The following IPO9 variants were observed in gnomAD, a reference collection of about 807,000 sequenced individuals.
IPO9 encodes the protein importin-9.
Under a neutral mutation model 128.6 loss-of-function variants are expected in IPO9, and 28 were observed. The observed-to-expected ratio is 0.22, with a 90% CI of 0.16 to 0.30. The LOEUF (loss-of-function observed/expected upper bound fraction) is 0.30. Ranked by LOEUF, IPO9 falls within the 10% of genes least tolerant of loss-of-function variation. The pLI is 1.00. For missense variants in IPO9, 935 were observed against 1,293.9 expected, an observed-to-expected ratio of 0.72 and a Z score of 4.26; for synonymous variants, 455 against 475.8, an observed-to-expected ratio of 0.96 and a Z score of 0.57.
chr1:201,874,688 T>G (rs1680725629), intron 21 of IPO9, 144 bp from the exon 22 acceptor site: 2 of 693,486 alleles, frequency 2.9e-6, no homozygotes, highest in Non-Finnish European at 5.1e-6. Flanking sequence ...CAGGAGGGTT[T>G]GGCCATTTCT....
Position 201,863,535 on chromosome 1 carries a change from A to G in IPO9, c.1556A>G (p.Gln519Arg). ...MSPELIQQFL[Q>R]ATVSGLHETQ... Reference sequence around the variant, plus strand: ...CCTGAACTGATCCAGCAGTTCCTACAGGCAACAGTTAGTGGTCTTCACGAG... The same window carrying G: ...CCTGAACTGATCCAGCAGTTCCTACGGGCAACAGTTAGTGGTCTTCACGAG... The change falls in exon 14 of 24, where the codon CAG becomes CGG. Residue 519 changes from glutamine (Q) to arginine (R), a missense_variant. By Grantham distance (43) the Gln-to-Arg change is conservative. Transcript: ENST00000361565. 1 of 1,608,196 alleles carries G rather than the reference A, an allele frequency of 6.2e-7. No homozygotes were observed. The highest frequency in any genetic ancestry group is 8.5e-7 in the Non-Finnish European group (1 of 1,175,186).
Position 201,876,504 on chromosome 1 carries a change from A to C in IPO9, c.*450A>C, listed in dbSNP as rs1680768110. 3.6e-6 allele frequency: 1 copy of C among 278,392 alleles called. No individual in the cohort carries two copies. 17.2% of individuals were successfully genotyped at this position (278,392 alleles called of 1,614,324 possible). A position where few individuals can be genotyped will look rare whatever the true frequency, so the allele number is the denominator to read the frequency against. Reference sequence around the variant, plus strand: ...CAGATAGGAATCCTCATGAGAGATCATTATGCTTTGTGCCCTGGACCACTG... The same window carrying C: ...CAGATAGGAATCCTCATGAGAGATCCTTATGCTTTGTGCCCTGGACCACTG... On this transcript the variant is annotated 3_prime_UTR_variant, in exon 24 of 24. Coordinates refer to ENST00000361565, the MANE Select transcript of IPO9 (RefSeq NM_018085.5).
chr1:201,866,740 G>T lies in IPO9; in HGVS notation c.1636G>T (p.Asp546Tyr). ...SAVRAIWGYCDQLKVSESTHV... is the reference protein window; with the variant it reads ...SAVRAIWGYCYQLKVSESTHV... ...TTATCTATCTCTCTCTAGTTATTGT[G>T]ACCAACTGAAAGTCTCAGAGAGTAC... The change falls in exon 15 of 24, where the codon GAC becomes TAC. Residue 546 changes from aspartate (D) to tyrosine (Y), a missense_variant. Coordinates refer to ENST00000361565, the MANE Select transcript of IPO9 (RefSeq NM_018085.5). 1.9e-6 allele frequency: 3 copies of T among 1,612,982 alleles called. No individual in the cohort carries two copies. The highest frequency in any genetic ancestry group is 2.2e-5 in the South Asian group (2 of 91,020).
At chr1:201,858,603 A>C (rs762994087) in intron 12 of IPO9, 50 bp downstream of exon 12, 9 of 1,119,378 alleles carry the variant, frequency 8.0e-6, no homozygotes, top group Non-Finnish European at 1.1e-5. Context: ...ACCCCTTCTT[A>C]AAAAGTCTTG....
chr1:201,876,588 G>A lies in IPO9; in HGVS notation c.*534G>A, dbSNP rs1680769152. 5.4e-6 allele frequency: 1 copy of A among 185,464 alleles called. No homozygotes were observed. The highest frequency in any genetic ancestry group is 5.4e-5 in the Admixed American group (1 of 18,536). The allele number at this position is 185,464 out of a possible 1,614,324, so 11.5% of individuals were successfully genotyped here. On this transcript the variant is annotated 3_prime_UTR_variant, in exon 24 of 24. Coordinates refer to ENST00000361565, the MANE Select transcript of IPO9 (RefSeq NM_018085.5). ...CAGCTTCATTCTAAGCCTTTCCAGT[G>A]ACCTCAGCCTTGCTTCTCTTCTACA...
rs1341736917 is a variant in IPO9, at chr1:201,866,881, G to A, written c.1777G>A (p.Val593Ile). Reference protein sequence around the residue: ...VMETLCIVCTVDPEFTASMES... With the variant: ...VMETLCIVCTIDPEFTASMES... Reference sequence around the variant, plus strand: ...GGAGACCCTGTGCATCGTTTGTACAGTAGACCCCGAATTCACAGCAAGCAT... The same window carrying A: ...GGAGACCCTGTGCATCGTTTGTACAATAGACCCCGAATTCACAGCAAGCAT... The change falls in exon 15 of 24, where the codon GTA becomes ATA. Residue 593 changes from valine to isoleucine, a missense_variant. Coordinates refer to ENST00000361565, the MANE Select transcript of IPO9 (RefSeq NM_018085.5). 10 of 1,614,156 alleles carry A rather than the reference G, an allele frequency of 6.2e-6. No homozygotes were observed. The highest frequency in any genetic ancestry group is 1.7e-5 in the Admixed American group (1 of 60,004).
intron 20 of IPO9, among the ~76,000 whole-genome samples, chr1:201,873,672 G>A (rs544859184): frequency 2.6e-4 from 39 of 152,188 alleles, no homozygotes; most frequent in Admixed American, 2.5e-3. Context: ...GCTTGAACCC[G>A]GGAGGTGGAG....
At chr1:201,864,101 G>C (rs1680506524) in intron 14 of IPO9, among the ~76,000 whole-genome samples, 1 of 152,124 alleles carries the variant, frequency 6.6e-6, no homozygotes, top group African/African-American at 2.4e-5. Flanking sequence ...TTCCTACGCA[G>C]ACTAGAAGGA....
Position 201,879,684 on chromosome 1 carries a change from C to T in IPO9, c.*3630C>T, listed in dbSNP as rs1224196851. ...TTCAATAAATGCAGATTGATAATAACATCTGTGCAGAGTTGAGGACTATAG... is the reference window on the plus strand; with the variant it reads ...TTCAATAAATGCAGATTGATAATAATATCTGTGCAGAGTTGAGGACTATAG... On this transcript the variant is annotated 3_prime_UTR_variant, in exon 24 of 24. Coordinates refer to ENST00000361565, the MANE Select transcript of IPO9 (RefSeq NM_018085.5). The T allele has an allele frequency of 6.6e-6, 1 of 152,206 alleles. No homozygotes were observed. Among genetic ancestry groups the T allele is most frequent in the East Asian group, 1.9e-4 (1 of 5,202 alleles). 9.4% of individuals were successfully genotyped at this position (152,206 alleles called of 1,614,324 possible).
At chr1:201,843,838 A>AG (rs1680084300) in intron 1 of IPO9, among the ~76,000 whole-genome samples, 1 of 151,980 alleles carries the variant, frequency 6.6e-6, no homozygotes, top group Admixed American at 6.6e-5. Flanking sequence ...AAAAAAAAAA[A>AG]AAAAAAAGAT....
rs1241916858 is a variant in IPO9 at position 201,880,563 on chromosome 1, C to G, written c.*4509C>G. ...TACTTTTGCACCCCAGCTAAGCTGACCCATGATCAGTAAGTAGGAAATAAA... is the reference window on the plus strand; with the variant it reads ...TACTTTTGCACCCCAGCTAAGCTGAGCCATGATCAGTAAGTAGGAAATAAA... On this transcript the variant is annotated 3_prime_UTR_variant, in exon 24 of 24. Transcript: ENST00000361565. 1 of 152,232 alleles carries G rather than the reference C, an allele frequency of 6.6e-6. No homozygotes were observed. Among genetic ancestry groups the G allele is most frequent in the Non-Finnish European group, 1.5e-5 (1 of 68,066 alleles). The allele number at this position is 152,232 out of a possible 1,614,324, so 9.4% of individuals were successfully genotyped here.
chr1:201,851,770 G>A (rs139584980), intron 4 of IPO9, among the ~76,000 whole-genome samples: 2 of 152,274 alleles, frequency 1.3e-5, no homozygotes, highest in East Asian at 1.9e-4. Flanking sequence ...TGACAGATGG[G>A]CACAAGATAA....
In IPO9 at chr1:201,866,715, T is replaced by G. The variant is rs1324405711; in HGVS notation, c.1629-18T>G. On this transcript the variant is annotated intron_variant, in intron 14 of 23. Transcript: ENST00000361565. Reference sequence around the variant, plus strand: ...TTGAATTTTTTTTAATAATTCTTGCTTATCTATCTCTCTCTAGTTATTGTG... The same window carrying G: ...TTGAATTTTTTTTAATAATTCTTGCGTATCTATCTCTCTCTAGTTATTGTG... The G allele has an allele frequency of 6.3e-7, 1 of 1,577,242 alleles. No individual in the cohort carries two copies. Among genetic ancestry groups the G allele is most frequent in the Non-Finnish European group, 8.7e-7 (1 of 1,147,772 alleles).
At chr1:201,844,247 C>T (rs1304409359) in intron 1 of IPO9, among the ~76,000 whole-genome samples, 2 of 152,140 alleles carry the variant, frequency 1.3e-5, no homozygotes, top group Non-Finnish European at 2.9e-5. Flanking sequence ...ACATTATGTA[C>T]TCCCTAATAT....
At chr1:201,860,503 G>A (rs923233298) in intron 13 of IPO9, among the ~76,000 whole-genome samples, 1 of 152,162 alleles carries the variant, frequency 6.6e-6, no homozygotes, top group Non-Finnish European at 1.5e-5. Context: ...GTTACACATT[G>A]AATGATTTCT....
chr1:201,829,170 G>T lies in IPO9; in HGVS notation c.-40G>T, dbSNP rs1015429314. ...CGCGCGGGGGCCGTCATTCGGTGGC[G>T]GGTCCCGGCCGCGGGGCTGGCGGGC... On this transcript the variant is annotated 5_prime_UTR_variant, in exon 1 of 24. Coordinates refer to ENST00000361565, the MANE Select transcript of IPO9 (RefSeq NM_018085.5). The T allele has an allele frequency of 1.4e-6, 2 of 1,436,626 alleles. No homozygotes were observed. Among genetic ancestry groups the T allele is most frequent in the East Asian group, 3.0e-5 (1 of 33,522 alleles). 89.0% of individuals were successfully genotyped at this position (1,436,626 alleles called of 1,614,324 possible).
intron 1 of IPO9, among the ~76,000 whole-genome samples, chr1:201,838,070 CAAAAG>C (rs1181656072): frequency 6.6e-6 from 1 of 150,822 alleles, no homozygotes; most frequent in Non-Finnish European, 1.5e-5. Context: ...AACTCTGTCT[CAAAAG>C]AAAAAAAAAG....
chr1:201,858,499 C>G lies in IPO9; in HGVS notation c.1274C>G (p.Ala425Gly). 6.3e-7 allele frequency: 1 copy of G among 1,598,036 alleles called. No individual in the cohort carries two copies. The highest frequency in any genetic ancestry group is 1.1e-5 in the South Asian group (1 of 88,970). Residue 425 changes from alanine (A) to glycine (G), a missense_variant, in exon 12 of 24, where the codon GCC becomes GGC. Coordinates refer to ENST00000361565, the MANE Select transcript of IPO9 (RefSeq NM_018085.5). ...AGTGCAGCAGCCCTGGCTGCTGCAG[C>G]CACTCGACATTTACAAGAAGCTGAG... ...NESAAALAAA[A>G]TRHLQEAEQT... is the part of the protein sequence containing the mutation.
rs1046500132 is a variant in IPO9 at position 201,879,787 on chromosome 1, C to G, written c.*3733C>G. Reference sequence around the variant, plus strand: ...GGTGTGGTGGCTCACACCTGTAATCCCAACACTTTGGGAGGCCTAGGTGGG... The same window carrying G: ...GGTGTGGTGGCTCACACCTGTAATCGCAACACTTTGGGAGGCCTAGGTGGG... On this transcript the variant is annotated 3_prime_UTR_variant, in exon 24 of 24. Transcript: ENST00000361565. 1 of 152,158 alleles carries G rather than the reference C, an allele frequency of 6.6e-6. No homozygotes were observed. Among genetic ancestry groups the G allele is most frequent in the African/African-American group, 2.4e-5 (1 of 41,426 alleles). 9.4% of individuals were successfully genotyped at this position (152,158 alleles called of 1,614,324 possible).
Sources: gnomAD v4.1 joint callset for allele counts (sites outside exome capture counted in the v4.1 genomes callset) on GRCh38, gnomAD v4.1.1 for gene constraint, MANE v1.5 for transcripts, NCBI Gene and HGNC (gene_info 2026-07-23, HGNC 2026-07-21) for gene names.